The following ZFAT variants were observed in gnomAD, a reference collection of about 807,000 sequenced individuals.
ZFAT encodes zinc finger and AT-hook domain containing.
A neutral mutation model predicts 117.7 loss-of-function variants in ZFAT; 64 were observed. That is an observed-to-expected ratio of 0.54 (90% CI 0.44 to 0.67). The LOEUF is 0.67. Among genes scored for constraint, ZFAT ranks in the 30% least tolerant of loss-of-function variants. ZFAT has a pLI of 0.00. For synonymous variants in ZFAT, 679 were observed against 615.0 expected, an observed-to-expected ratio of 1.10 and a Z score of -1.54; for missense variants, 1,433 against 1,584.5, an observed-to-expected ratio of 0.90 and a Z score of 1.62.
chr8:134,481,032 C>G (rs118027023), intron 15 of ZFAT, among the ~76,000 whole-genome samples: 1 of 152,144 alleles, frequency 6.6e-6, no homozygotes, highest in Non-Finnish European at 1.5e-5. Context: ...AGCTGGAGAG[C>G]TATTCTGAGT....
At chr8:134,584,172 A>G (rs1825904275) in intron 9 of ZFAT, among the ~76,000 whole-genome samples, 167 bp from the exon 10 acceptor site, 1 of 152,134 alleles carries the variant, frequency 6.6e-6, no homozygotes, top group African/African-American at 2.4e-5. Flanking sequence ...AACACACCAC[A>G]CACTTTCCAC....
rs753961521 is a variant in ZFAT at position 134,583,840 on chromosome 8, G to C, written c.2879C>G (p.Thr960Ser). The change falls in exon 10 of 16, where the codon ACT becomes AGT. Residue 960 changes from threonine to serine, a missense_variant. By Grantham distance (58) the Thr-to-Ser change is moderately conservative. Transcript: ENST00000377838. ...TTGGGCCATTTACTCACCATCTGCA[G>C]TGTGAAGGAGTTTGTGACTTTTCAG... is the stretch of plus-strand genomic sequence containing the variant. ...GTLKSHKLLHTADGKQFKCTV... is the reference protein window; with the variant it reads ...GTLKSHKLLHSADGKQFKCTV... 5 of 1,613,580 alleles carry C rather than the reference G, an allele frequency of 3.1e-6. No individual in the cohort carries two copies. In the African/African-American group the frequency reaches 5.3e-5, roughly 17 times the overall value.
At chr8:134,640,939 T>C (rs1308370757) in intron 2 of ZFAT, among the ~76,000 whole-genome samples, 14 of 152,152 alleles carry the variant, frequency 9.2e-5, no homozygotes, top group African/African-American at 2.9e-4. Flanking sequence ...TTAATTCCTC[T>C]TCCTCCCTCT....
the ZFAT span, among the ~76,000 whole-genome samples, chr8:134,772,478 C>T: frequency 6.6e-6 from 1 of 152,118 alleles, no homozygotes; most frequent in Non-Finnish European, 1.5e-5. Flanking sequence ...GAGCAAGGCC[C>T]TAATTATTTT....
intron 12 of ZFAT, among the ~76,000 whole-genome samples, chr8:134,525,669 A>G (rs886650267): frequency 3.3e-5 from 5 of 152,204 alleles, no homozygotes; most frequent in Non-Finnish European, 5.9e-5. Context: ...AAGAGTCACT[A>G]GTACAGAGGC....
Position 134,541,531 on chromosome 8 carries a change from C to T in ZFAT, c.2977-8559G>A, listed in dbSNP as rs114022958. Among the ~76,000 whole-genome samples the T allele has an allele frequency of 8.0e-3, 1,215 of 151,904 alleles. 14 individuals are homozygous for T. The highest frequency in any genetic ancestry group is 0.028 in the African/African-American group (1,175 of 41,398). ...ATAAATTACCCAGTTTCAAGTATTA[C>T]GTTATAAGCAACAGAAAATGGACTA... On this transcript the variant is annotated intron_variant, in intron 11 of 15. Coordinates refer to ENST00000377838, the MANE Select transcript of ZFAT (RefSeq NM_020863.4).
the ZFAT span, among the ~76,000 whole-genome samples, chr8:134,746,725 G>T: frequency 6.6e-6 from 1 of 152,274 alleles, no homozygotes; most frequent in Non-Finnish European, 1.5e-5. Flanking sequence ...AAGTTTTTTA[G>T]CTCTTCAGCC....
chr8:134,592,993 TGCCACAGA>T (rs1826639374), intron 7 of ZFAT, among the ~76,000 whole-genome samples: 4 of 152,184 alleles, frequency 2.6e-5, no homozygotes, highest in Non-Finnish European at 4.4e-5. Context: ...GGCCAGGCAA[TGCCACAGA>T]TCCCCACACA....
chr8:134,784,060 C>T, the ZFAT span: 1 of 152,210 alleles, frequency 6.6e-6, no homozygotes, highest in Non-Finnish European at 1.5e-5. Context: ...TCCAAGGCCC[C>T]AGGTAAACAA....
At chr8:134,793,541 G>GT in the ZFAT span, 5 of 152,172 alleles carry the variant, frequency 3.3e-5, no homozygotes, top group Non-Finnish European at 7.3e-5. Context: ...TTAGATTCTT[G>GT]TAAGGAGCAC....
intron 2 of ZFAT, among the ~76,000 whole-genome samples, chr8:134,645,631 A>G (rs915097079): frequency 6.6e-6 from 1 of 152,202 alleles, no homozygotes; most frequent in Non-Finnish European, 1.5e-5. Context: ...AATAACATCA[A>G]ATCAGCTGGG....
intron 15 of ZFAT, among the ~76,000 whole-genome samples, chr8:134,488,596 C>A (rs1817820155): frequency 6.6e-6 from 1 of 152,234 alleles, no homozygotes; most frequent in African/African-American, 2.4e-5. Flanking sequence ...TCTAGGCCCT[C>A]TCTTCTGTCC....
upstream of ZFAT, among the ~76,000 whole-genome samples, chr8:134,713,564 C>A (rs902832511): frequency 6.6e-6 from 1 of 152,150 alleles, no homozygotes. Context: ...TACGATCACA[C>A]GTGACAAGGC....
intron 11 of ZFAT, among the ~76,000 whole-genome samples, chr8:134,536,748 C>T (rs1041542281): frequency 6.6e-6 from 1 of 152,180 alleles, no homozygotes; most frequent in South Asian, 2.1e-4. Flanking sequence ...TTGTGATTCC[C>T]TAAATATATA....
intron 3 of ZFAT, among the ~76,000 whole-genome samples, chr8:134,624,261 A>G (rs1223280641): frequency 6.6e-6 from 1 of 152,114 alleles, no homozygotes; most frequent in Non-Finnish European, 1.5e-5. Flanking sequence ...TAAGAAAAAC[A>G]AAGCCCATTT....
At chr8:134,556,228 C>A (rs1823614729) in intron 11 of ZFAT, among the ~76,000 whole-genome samples, 1 of 151,700 alleles carries the variant, frequency 6.6e-6, no homozygotes, top group Admixed American at 6.6e-5. Context: ...TGAAGAAAGG[C>A]AAATAGAAAT....
chr8:134,593,286 G>C (rs1826666606), intron 7 of ZFAT, among the ~76,000 whole-genome samples: 1 of 151,894 alleles, frequency 6.6e-6, no homozygotes, highest in Admixed American at 6.6e-5. Context: ...AGCTTATCAG[G>C]GGCCCTTATT....
intron 3 of ZFAT, among the ~76,000 whole-genome samples, chr8:134,626,111 C>T (rs1429922705): frequency 6.6e-6 from 1 of 152,150 alleles, no homozygotes; most frequent in African/African-American, 2.4e-5. Context: ...GCCCTGAGTA[C>T]CCTTTGGTCA....
the ZFAT span, among the ~76,000 whole-genome samples, chr8:134,728,956 G>A: frequency 5.9e-5 from 9 of 151,690 alleles, no homozygotes; most frequent in Admixed American, 4.6e-4. Context: ...GAAAATATAT[G>A]ACTTTTTATT....
Sources: allele counts gnomAD v4.1 joint callset (sites outside exome capture counted in the v4.1 genomes callset), GRCh38; gene constraint gnomAD v4.1.1; transcripts MANE v1.5; gene names NCBI Gene and HGNC (gene_info 2026-07-23, HGNC 2026-07-21).